The following IL1RAPL1 variants were observed in gnomAD, a reference collection of about 807,000 sequenced individuals.
IL1RAPL1 encodes interleukin-1 receptor accessory protein-like 1.
Under a neutral mutation model 48.4 loss-of-function variants are expected in IL1RAPL1, and 3 were observed. That is an observed-to-expected ratio of 0.06 (90% CI 0.03 to 0.16). The LOEUF (loss-of-function observed/expected upper bound fraction) is 0.16, where lower values mean the gene tolerates loss of function less well. Ranked by LOEUF, IL1RAPL1 falls within the 10% of genes least tolerant of loss-of-function variation. The probability of loss-of-function intolerance (pLI) is 1.00; values close to 1 mark genes in which losing one functional copy is unlikely to be tolerated. For missense variants in IL1RAPL1, 349 were observed against 530.6 expected, an observed-to-expected ratio of 0.66 and a Z score of 3.36; for synonymous variants, 185 against 187.7, an observed-to-expected ratio of 0.99 and a Z score of 0.12.
At chrX:28,703,450 C>T (rs1225691896) in intron 1 of IL1RAPL1, among the ~76,000 whole-genome samples, 3 of 111,401 alleles carry the variant, frequency 2.7e-5, no homozygotes, top group Non-Finnish European at 3.8e-5. Context: ...TCATTCTTAA[C>T]CTCTCTTGAA....
intron 6 of IL1RAPL1, among the ~76,000 whole-genome samples, chrX:29,783,284 G>A (rs759965023): frequency 9.0e-6 from 1 of 111,051 alleles, no homozygotes; most frequent in South Asian, 3.8e-4. Flanking sequence ...AGTAGAAAGT[G>A]GTTTTACGGG....
intron 2 of IL1RAPL1, among the ~76,000 whole-genome samples, chrX:28,921,386 C>T (rs773985288): frequency 8.9e-6 from 1 of 112,134 alleles, no homozygotes; most frequent in East Asian, 2.8e-4. Flanking sequence ...TCCAAATACT[C>T]TGTGTGGAGG....
intron 2 of IL1RAPL1, among the ~76,000 whole-genome samples, chrX:29,253,822 A>G (rs1931707606): frequency 9.0e-6 from 1 of 111,415 alleles, no homozygotes; most frequent in Non-Finnish European, 1.9e-5. Context: ...TTTATCAGGA[A>G]CTAAAGGTGA....
intron 2 of IL1RAPL1, among the ~76,000 whole-genome samples, chrX:29,118,797 A>G (rs1246797746): frequency 9.0e-6 from 1 of 111,626 alleles, no homozygotes; most frequent in Non-Finnish European, 1.9e-5. Context: ...AAAAAAATGA[A>G]TTTGTTTTGA....
intron 6 of IL1RAPL1, among the ~76,000 whole-genome samples, chrX:29,722,327 T>C (rs1927657210): frequency 8.9e-6 from 1 of 112,278 alleles, no homozygotes; most frequent in Admixed American, 9.5e-5. Context: ...TAAAATACTT[T>C]TTTCAGATAA....
At chrX:29,648,469 A>G (rs1300535354) in intron 5 of IL1RAPL1, among the ~76,000 whole-genome samples, 1 of 111,991 alleles carries the variant, frequency 8.9e-6, no homozygotes, top group Non-Finnish European at 1.9e-5. Context: ...TAAAACTAGG[A>G]ATAAATAACA....
At chrX:29,008,800 G>GTT (rs78893534) in intron 2 of IL1RAPL1, among the ~76,000 whole-genome samples, 7,102 of 110,359 alleles carry the variant, frequency 0.064, 283 homozygotes, top group African/African-American at 0.13. Context: ...CCAATAGTTA[G>GTT]TTTCAACCCT....
chrX:29,419,754 C>G (rs758838421), intron 5 of IL1RAPL1, among the ~76,000 whole-genome samples: 1 of 112,546 alleles, frequency 8.9e-6, no homozygotes, highest in Admixed American at 9.4e-5. Context: ...GCAGCTGTTG[C>G]TCTGTCATGT....
chrX:29,484,831 A>G (rs1380506070), intron 5 of IL1RAPL1, among the ~76,000 whole-genome samples: 2 of 111,883 alleles, frequency 1.8e-5, no homozygotes, highest in Non-Finnish European at 3.8e-5. Flanking sequence ...AGTCAGGTTG[A>G]GATTAGTGTT....
intron 1 of IL1RAPL1, among the ~76,000 whole-genome samples, chrX:28,666,894 G>A (rs1208843998): frequency 9.0e-6 from 1 of 111,437 alleles, no homozygotes; most frequent in Non-Finnish European, 1.9e-5. Flanking sequence ...ATTGCACCAC[G>A]TATTGGGGGC....
At chrX:29,398,712 T>C (rs759920081) in intron 4 of IL1RAPL1, among the ~76,000 whole-genome samples, 7 of 112,296 alleles carry the variant, frequency 6.2e-5, no homozygotes, top group African/African-American at 2.3e-4. Context: ...TGCTTTCCAG[T>C]AAAATAATAT....
chrX:29,823,863 T>A (rs1363831010), intron 6 of IL1RAPL1, among the ~76,000 whole-genome samples: 1 of 111,819 alleles, frequency 8.9e-6, no homozygotes, highest in Non-Finnish European at 1.9e-5. Flanking sequence ...AATTTTGCTC[T>A]GAAGAACAGC....
chrX:29,595,839 A>G lies in IL1RAPL1; in HGVS notation c.704-72591A>G, dbSNP rs531033705. On this transcript the variant is annotated intron_variant, in intron 5 of 10. Transcript: ENST00000378993. The stretch of plus-strand genomic sequence containing the variant: ...CCAACATCTAGAAGGGTTTTTTTCA[A>G]CGTTATCTTCTAGAATCTTTGGTTT... Among the ~76,000 whole-genome samples the G allele has an allele frequency of 4.0e-4, 45 of 111,343 alleles. No homozygotes were observed. In the South Asian group the frequency reaches 0.012, roughly 29 times the overall value.
intron 3 of IL1RAPL1, among the ~76,000 whole-genome samples, chrX:29,303,588 C>T (rs746333773): frequency 3.6e-5 from 4 of 111,321 alleles, no homozygotes; most frequent in Admixed American, 1.9e-4. Context: ...TCTCTCAGAG[C>T]GTCTCATGAA....
Position 29,087,129 on chromosome X carries a change from T to TA in IL1RAPL1, c.83-195804dup, listed in dbSNP as rs770917152. Among the ~76,000 whole-genome samples, 168 of 103,323 alleles carry TA rather than the reference T, an allele frequency of 1.6e-3. 2 individuals carry two copies. Among genetic ancestry groups the TA allele is most frequent in the Middle Eastern group, 9.9e-3 (2 of 203 alleles). The allele number at this position is 103,323 out of a possible 115,157, so 89.7% of individuals were successfully genotyped here. A position where few individuals can be genotyped will look rare whatever the true frequency, so the allele number is the denominator to read the frequency against. On this transcript the variant is annotated intron_variant, in intron 2 of 10. Transcript: ENST00000378993. ...TTATGACATGACAGAGGACATTATTTAAAAATTTTTTTTTTTTTTTTTTTT... is the reference window on the plus strand; with the variant it reads ...TTATGACATGACAGAGGACATTATTTAAAAAATTTTTTTTTTTTTTTTTTTT...
chrX:28,625,737 C>T (rs756754805), intron 1 of IL1RAPL1, among the ~76,000 whole-genome samples: 5 of 99,314 alleles, frequency 5.0e-5, no homozygotes, highest in South Asian at 4.6e-4. Context: ...AATCAAAATG[C>T]GTGTGTGTGT....
intron 1 of IL1RAPL1, among the ~76,000 whole-genome samples, chrX:28,658,781 T>C (rs1934781151): frequency 9.0e-6 from 1 of 111,406 alleles, no homozygotes; most frequent in African/African-American, 3.3e-5. Flanking sequence ...CGGGTTTATT[T>C]ATAATTATTT....
intron 3 of IL1RAPL1, among the ~76,000 whole-genome samples, chrX:29,325,695 C>T: frequency 8.9e-6 from 1 of 111,906 alleles, no homozygotes; most frequent in African/African-American, 3.2e-5. Context: ...ATTTGTGTTG[C>T]TCTAAAGGAA....
At chrX:29,181,603 T>G (rs1467478159) in intron 2 of IL1RAPL1, among the ~76,000 whole-genome samples, 1 of 111,911 alleles carries the variant, frequency 8.9e-6, no homozygotes, top group Non-Finnish European at 1.9e-5. Flanking sequence ...ATTCCTACTA[T>G]GTACCACATA....
Sources: gnomAD v4.1 joint callset for allele counts (sites outside exome capture counted in the v4.1 genomes callset) on GRCh38, gnomAD v4.1.1 for gene constraint, MANE v1.5 for transcripts, NCBI Gene and HGNC (gene_info 2026-07-23, HGNC 2026-07-21) for gene names.